TC2N: variants seen among roughly 807,000 people sequenced by gnomAD.
TC2N encodes the protein tandem C2 domains, nuclear.
TC2N carries 51 observed loss-of-function variants against 61.9 expected under a neutral mutation model. The observed-to-expected ratio is 0.82, with a 90% CI of 0.66 to 1.04. The LOEUF (loss-of-function observed/expected upper bound fraction) is 1.04, where lower values mean the gene tolerates loss of function less well. Ranked by LOEUF, TC2N falls within the 50% of genes least tolerant of loss-of-function variation. TC2N has a pLI of 0.00. For missense variants in TC2N, 556 were observed against 566.7 expected, an observed-to-expected ratio of 0.98 and a Z score of 0.19; for synonymous variants, 204 against 192.6, an observed-to-expected ratio of 1.06 and a Z score of -0.49.
intron 1 of TC2N, among the ~76,000 whole-genome samples, chr14:91,850,572 T>C (rs1179406611): frequency 6.6e-6 from 1 of 152,214 alleles, no homozygotes; most frequent in Non-Finnish European, 1.5e-5. Context: ...CATTAGATTC[T>C]CATAGGAGCA....
chr14:91,807,043 G>A (rs1005857570), intron 3 of TC2N, among the ~76,000 whole-genome samples: 2 of 152,202 alleles, frequency 1.3e-5, no homozygotes, highest in South Asian at 4.1e-4. Flanking sequence ...TCAGAGGGTG[G>A]AAGCCCCAAG....
chr14:91,786,858 C>A (rs1466845649), intron 10 of TC2N, among the ~76,000 whole-genome samples: 1 of 152,158 alleles, frequency 6.6e-6, no homozygotes, highest in Non-Finnish European at 1.5e-5. Context: ...ATATCTGTCA[C>A]CTTCAACTTT....
chr14:91,819,619 A>T (rs1887156055), intron 1 of TC2N, among the ~76,000 whole-genome samples: 1 of 152,184 alleles, frequency 6.6e-6, no homozygotes, highest in Admixed American at 6.5e-5. Flanking sequence ...CAAAGGAATA[A>T]AGTGCACCAT....
chr14:91,851,832 G>A (rs1005516129), intron 1 of TC2N, among the ~76,000 whole-genome samples: 1 of 152,178 alleles, frequency 6.6e-6, no homozygotes, highest in Non-Finnish European at 1.5e-5. Context: ...TCTATACGTG[G>A]TGGAGTCTAG....
At position 91,781,498 on chromosome 14, in the gene TC2N, G is replaced by A. The variant is rs955680827; in HGVS notation, c.*1602C>T. 6.6e-6 allele frequency: 1 copy of A among 151,772 alleles called. No individual in the cohort carries two copies. The highest frequency in any genetic ancestry group is 2.4e-5 in the African/African-American group (1 of 41,326). 9.4% of individuals were successfully genotyped at this position (151,772 alleles called of 1,614,324 possible). ...GGCTGTTGAGGGCTTTGTCAGGGGA[G>A]AAAGGAAATCTCTATCTTCCTCTCA... On this transcript the variant is annotated 3_prime_UTR_variant, in exon 12 of 12. Transcript: ENST00000435962.
In TC2N at chr14:91,865,392, A is replaced by T. The variant is rs867717340; in HGVS notation, c.-57+1870T>A. 3.3e-3 allele frequency among the ~76,000 whole-genome samples: 333 copies of T among 100,960 alleles called. 1 individual carries two copies. The highest frequency in any genetic ancestry group is 8.6e-3 in the African/African-American group (222 of 25,718). 66.2% of individuals were successfully genotyped at this position (100,960 alleles called of 152,430 possible). ...TGGTTTTTTTTTTTTTTTTTTTTTA[A>T]AAAAACATCTTTTAGCTATGTTCAG... is the stretch of plus-strand genomic sequence containing the variant. On this transcript the variant is annotated intron_variant, in intron 1 of 11. Coordinates refer to ENST00000435962, the MANE Select transcript of TC2N (RefSeq NM_001128596.3).
At chr14:91,852,122 C>A (rs899012580) in intron 1 of TC2N, among the ~76,000 whole-genome samples, 1 of 152,224 alleles carries the variant, frequency 6.6e-6, no homozygotes, top group Non-Finnish European at 1.5e-5. Context: ...CAGCAATAGG[C>A]ATACTCTATT....
chr14:91,784,292 T>C (rs7159458), intron 11 of TC2N, among the ~76,000 whole-genome samples: 14,970 of 152,136 alleles, frequency 0.098, 1,657 homozygotes, highest in African/African-American at 0.27. Flanking sequence ...GGCTTAATGG[T>C]CTTCAAAATT....
At position 91,800,211 on chromosome 14, in the gene TC2N, TCATA is replaced by T. The variant is rs1217864331; in HGVS notation, c.561+66_561+69del. ...ATATACAGCATATTCCTAATGTAATTCATACATTTCTGAATTTTTAATTTGAAAG... is the reference window on the plus strand; with the variant it reads ...ATATACAGCATATTCCTAATGTAATTCATTTCTGAATTTTTAATTTGAAAG... On this transcript the variant is annotated intron_variant, in intron 5 of 11. Transcript: ENST00000435962. The T allele has an allele frequency of 3.4e-6, 3 of 872,162 alleles. No individual in the cohort carries two copies. The African/African-American group carries it at 5.2e-5, about 15-fold the overall frequency. 54.0% of individuals were successfully genotyped at this position (872,162 alleles called of 1,614,324 possible). A position where few individuals can be genotyped will look rare whatever the true frequency, so the allele number is the denominator to read the frequency against.
chr14:91,840,949 C>T (rs927059167), intron 1 of TC2N, among the ~76,000 whole-genome samples: 4 of 152,126 alleles, frequency 2.6e-5, no homozygotes, highest in African/African-American at 7.2e-5. Context: ...CTCAAAACAC[C>T]CATCTGCCTC....
chr14:91,813,754 T>C lies in TC2N; in HGVS notation c.16A>G (p.Ile6Val), dbSNP rs1165921458. Residue 6 changes from isoleucine (I) to valine (V), a missense_variant, in exon 2 of 12, where the codon ATA (isoleucine) becomes GTA (valine). Physicochemically the swap from Ile to Val is conservative, Grantham distance 29. Coordinates refer to ENST00000435962, the MANE Select transcript of TC2N (RefSeq NM_001128596.3). MATEFIKSCCGGCFYG... is the reference protein window; with the variant it reads MATEFVKSCCGGCFYG... Reference sequence around the variant, plus strand: ...AAACATCCTCCACAGCAACTCTTTATAAATTCTGTTGCCATTACATTCAAT... The same window carrying C: ...AAACATCCTCCACAGCAACTCTTTACAAATTCTGTTGCCATTACATTCAAT... The C allele has an allele frequency of 6.2e-7, 1 of 1,609,092 alleles. No individual in the cohort carries two copies. The highest frequency in any genetic ancestry group is 8.5e-7 in the Non-Finnish European group (1 of 1,176,714).
rs578000411 is a variant in TC2N at position 91,808,330 on chromosome 14, G to C, written c.301+3982C>G. ...ATCCATATAGCCTAAGTGTTTAGTAGGCTACACCATCTAGGTTTGTGTAAG... is the reference window on the plus strand; with the variant it reads ...ATCCATATAGCCTAAGTGTTTAGTACGCTACACCATCTAGGTTTGTGTAAG... On this transcript the variant is annotated intron_variant, in intron 3 of 11. Transcript: ENST00000435962. Among the ~76,000 whole-genome samples the C allele has an allele frequency of 2.8e-3, 421 of 152,218 alleles. 1 individual carries two copies. The highest frequency in any genetic ancestry group is 4.5e-3 in the Non-Finnish European group (304 of 68,000).
Position 91,785,176 on chromosome 14 carries a change from G to C in TC2N, c.1348C>G (p.His450Asp). 6.2e-7 allele frequency: 1 copy of C among 1,612,626 alleles called. No homozygotes were observed. Among genetic ancestry groups the C allele is most frequent in the Non-Finnish European group, 8.5e-7 (1 of 1,179,104 alleles). The part of the protein sequence containing the change: ...LYSRSSVRRK[H>D]FVGQIWISED... ...CTCCTACTAACCTGGCCCACAAAGT[G>C]TTTTCTTCTTACAGAGCTTCGACTG... The change falls in exon 11 of 12, where the codon CAC becomes GAC. Residue 450 changes from histidine to aspartate, a missense_variant. His to Asp is a moderately conservative substitution (Grantham distance 81, BLOSUM62 -1). Transcript: ENST00000435962.
chr14:91,856,072 T>C (rs2402076), intron 1 of TC2N, among the ~76,000 whole-genome samples: 66,085 of 151,488 alleles, frequency 0.44, 15,723 homozygotes, highest in Admixed American at 0.53. Flanking sequence ...GGACAAAAGG[T>C]GGAGAGATGA....
At chr14:91,864,531 G>A (rs868482155) in intron 1 of TC2N, among the ~76,000 whole-genome samples, 3 of 152,288 alleles carry the variant, frequency 2.0e-5, no homozygotes, top group South Asian at 2.1e-4. Flanking sequence ...AGTAGCTATC[G>A]TGATACAAGC....
intron 1 of TC2N, among the ~76,000 whole-genome samples, chr14:91,854,479 T>C (rs1000640815): frequency 2.1e-5 from 1 of 47,952 alleles, no homozygotes; most frequent in African/African-American, 9.2e-5. Flanking sequence ...GAGGAGGAGA[T>C]AGGGGAGGTG....
At chr14:91,829,912 G>A (rs954882541) in intron 1 of TC2N, among the ~76,000 whole-genome samples, 2 of 152,106 alleles carry the variant, frequency 1.3e-5, no homozygotes, top group Admixed American at 6.6e-5. Flanking sequence ...AGACATTCCT[G>A]CAAAGAAGAC....
chr14:91,850,783 T>G (rs1254282487), intron 1 of TC2N, among the ~76,000 whole-genome samples: 1 of 152,032 alleles, frequency 6.6e-6, no homozygotes, highest in Non-Finnish European at 1.5e-5. Context: ...ATACAAAAAT[T>G]AGCCAGGTGT....
chr14:91,860,873 G>A (rs1888575968), intron 1 of TC2N, among the ~76,000 whole-genome samples: 1 of 152,244 alleles, frequency 6.6e-6, no homozygotes, highest in Admixed American at 6.5e-5. Flanking sequence ...TCTGTAATCT[G>A]CGAATCTGTG....
Sources: allele counts gnomAD v4.1 joint callset (sites outside exome capture counted in the v4.1 genomes callset), GRCh38; gene constraint gnomAD v4.1.1; transcripts MANE v1.5; gene names NCBI Gene and HGNC (gene_info 2026-07-23, HGNC 2026-07-21).